The following TMEM235 variants were observed in gnomAD, a reference collection of about 807,000 sequenced individuals.
TMEM235 encodes the protein claudin-27.
A neutral mutation model predicts 22.9 loss-of-function variants in TMEM235; 23 were observed. That is an observed-to-expected ratio of 1.00 (90% CI 0.72 to 1.42). The LOEUF is 1.42. Among genes scored for constraint, TMEM235 ranks in the 40% most tolerant of loss-of-function variants. The pLI, the probability that TMEM235 is intolerant of heterozygous loss-of-function variation, is 0.00. For missense variants in TMEM235, 308 were observed against 299.5 expected, an observed-to-expected ratio of 1.03 and a Z score of -0.21; for synonymous variants, 137 against 140.5, an observed-to-expected ratio of 0.98 and a Z score of 0.17.
intron 2 of TMEM235, among the ~76,000 whole-genome samples, 170 bp from the exon 2 acceptor site, chr17:78,233,721 TAAAC>T (rs1214949595): frequency 6.8e-6 from 1 of 147,632 alleles, no homozygotes; most frequent in Non-Finnish European, 1.5e-5. Context: ...AAAAAGAAAA[TAAAC>T]AAGGCTAAAG....
At chr17:78,239,935 G>C in exon 6 of TMEM235, 2 of 1,550,324 alleles carry the variant, frequency 1.3e-6, no homozygotes, top group South Asian at 2.4e-5. Flanking sequence ...GAGGGCCCGA[G>C]AGCCCCTCCG....
chr17:78,239,891 C>T (rs749477706), exon 6 of TMEM235: 23 of 1,551,280 alleles, frequency 1.5e-5, no homozygotes, highest in African/African-American at 2.7e-5. Context: ...CCACTCTCCC[C>T]GAAGGGCAGG....
chr17:78,231,319 G>A, upstream of TMEM235: 1 of 1,080,760 alleles, frequency 9.3e-7, no homozygotes, highest in Non-Finnish European at 1.2e-6. Context: ...TGTCCTAGAA[G>A]GTTCTTTCTG....
chr17:78,232,335 G>A, intron 2 of TMEM235, 122 bp downstream of exon 1: 1 of 964,904 alleles, frequency 1.0e-6, no homozygotes. Flanking sequence ...CTTGCATCCC[G>A]CTCTGCCCCA....
intron 2 of TMEM235, among the ~76,000 whole-genome samples, chr17:78,233,427 G>T (rs1422241478): frequency 1.3e-5 from 2 of 152,228 alleles, no homozygotes; most frequent in South Asian, 2.1e-4. Flanking sequence ...CAAGGTGAAG[G>T]CTGGGCCCGG....
Position 78,238,156 on chromosome 17 carries a change from G to T in TMEM235, c.410-868G>T, listed in dbSNP as rs2145925810. Among the ~76,000 whole-genome samples, 1 of 152,362 alleles carries T rather than the reference G, an allele frequency of 6.6e-6. No homozygotes were observed. The highest frequency in any genetic ancestry group is 1.5e-5 in the Non-Finnish European group (1 of 68,024). On this transcript the variant is annotated intron_variant, in intron 4 of 5. Transcript: ENST00000421688. The surrounding 1 kb of genome is among the most constrained non-coding windows in gnomAD (Gnocchi z 4.3). ...TGGGAAGGGGGTGGCACTCCGGGCT[G>T]GTTCCTCCAAGCTCAGTGGACAGGA...
rs764460256 is a variant in TMEM235, at chr17:78,237,803, C to T, written c.410-1221C>T. Among the ~76,000 whole-genome samples the T allele has an allele frequency of 5.9e-5, 9 of 152,168 alleles. No homozygotes were observed. The highest frequency in any genetic ancestry group is 1.3e-4 in the Admixed American group (2 of 15,280). ...AATTTCTGTTGCTACGCTGCCCAGC[C>T]GGGCAGGCATCCGTGTGTCCTCCCT... On this transcript the variant is annotated intron_variant, in intron 4 of 5. Transcript: ENST00000421688. This position sits in a 1 kb window ranked among gnomAD's most constrained non-coding sequence, Gnocchi z 4.7.
At position 78,237,311 on chromosome 17, in the gene TMEM235, C is replaced by T. The variant is rs927658107; in HGVS notation, c.410-1713C>T. On this transcript the variant is annotated intron_variant, in intron 4 of 5. Coordinates refer to ENST00000421688, the Ensembl canonical transcript of TMEM235. The surrounding 1 kb of genome is among the most constrained non-coding windows in gnomAD (Gnocchi z 4.7). ...AGAGGGCCCCAGATCGATTGGGTGC[C>T]CTTCCCTGAGACAGGATCTTGGGGG... Among the ~76,000 whole-genome samples the T allele has an allele frequency of 5.9e-5, 9 of 152,050 alleles. No homozygotes were observed. The highest frequency in any genetic ancestry group is 1.5e-5 in the Non-Finnish European group (1 of 67,994).
chr17:78,234,846 C>A, intron 4 of TMEM235, 116 bp downstream of exon 3: 2 of 1,371,220 alleles, frequency 1.5e-6, no homozygotes, highest in African/African-American at 2.9e-5. Context: ...TGGGCGGGTG[C>A]TGAGTCTGGC....
chr17:78,232,229 G>A lies in TMEM235; in HGVS notation c.190+16G>A, dbSNP rs1368350207. The stretch of plus-strand genomic sequence containing the variant: ...ATCTGCGAAGGTAACCGGCCACCGC[G>A]CCGGCCCTCCTCCCTCCGCGACCTC... On this transcript the variant is annotated intron_variant, in intron 2 of 5. Transcript: ENST00000421688. 5.6e-6 allele frequency: 8 copies of A among 1,439,646 alleles called. No homozygotes were observed. The highest frequency in any genetic ancestry group is 5.6e-5 in the South Asian group (4 of 72,006). The allele number at this position is 1,439,646 out of a possible 1,614,324, so 89.2% of individuals were successfully genotyped here.
intron 3 of TMEM235, 152 bp downstream of exon 2, chr17:78,234,127 T>TGCTGTCCC (rs1415957024): frequency 6.6e-6 from 5 of 755,012 alleles, no homozygotes; most frequent in Non-Finnish European, 8.9e-6. Context: ...AGTGCTGTGC[T>TGCTGTCCC]GCTGTCCCTA....
At chr17:78,231,458 C>T (rs1179983599) in exon 2 of TMEM235, 2 of 1,302,752 alleles carry the variant, frequency 1.5e-6, no homozygotes, top group Non-Finnish European at 2.0e-6. Flanking sequence ...GGGGCCCAGC[C>T]ACTGCACTTC....
chr17:78,234,847 T>C (rs1407086101), intron 4 of TMEM235, 117 bp downstream of exon 3: 19 of 1,371,928 alleles, frequency 1.4e-5, no homozygotes, highest in Non-Finnish European at 1.8e-5. Flanking sequence ...GGGCGGGTGC[T>C]GAGTCTGGCG....
exon 6 of TMEM235, chr17:78,240,061 C>T: frequency 4.1e-6 from 6 of 1,458,362 alleles, no homozygotes; most frequent in East Asian, 2.6e-5. Context: ...AGAGCAGGCA[C>T]CCAGATCTCT....
exon 5 of TMEM235, chr17:78,239,175 G>A (rs1006493002): frequency 1.3e-6 from 2 of 1,543,130 alleles, no homozygotes; most frequent in Admixed American, 2.0e-5. Flanking sequence ...CCTGTGCCTT[G>A]GAGGCATTCA....
chr17:78,237,907 CAG>C lies in TMEM235; in HGVS notation c.410-1115_410-1114del, dbSNP rs1210066039. 3.3e-5 allele frequency among the ~76,000 whole-genome samples: 5 copies of C among 152,194 alleles called. No individual in the cohort carries two copies. Among genetic ancestry groups the C allele is most frequent in the Non-Finnish European group, 5.9e-5 (4 of 68,040 alleles). ...CAAGTTTGGTTCCCAGGAGGAATCA[CAG>C]AAGACCAGGCTGTGTTGTGCCCCTT... On this transcript the variant is annotated intron_variant, in intron 4 of 5. Coordinates refer to ENST00000421688, the Ensembl canonical transcript of TMEM235. This position sits in a 1 kb window ranked among gnomAD's most constrained non-coding sequence, Gnocchi z 4.7.
In TMEM235 at chr17:78,231,618, C is replaced by T. The variant is rs1425379970; in HGVS notation, c.-406C>T. 1.1e-5 allele frequency: 14 copies of T among 1,303,814 alleles called. No homozygotes were observed. Among genetic ancestry groups the T allele is most frequent in the South Asian group, 9.9e-5 (8 of 80,904 alleles). 80.8% of individuals were successfully genotyped at this position (1,303,814 alleles called of 1,614,324 possible). On this transcript the variant is annotated 5_prime_UTR_variant, in exon 2 of 6. Coordinates refer to ENST00000421688, the Ensembl canonical transcript of TMEM235. ...CTGGGGTCGGTCTCTGGCCGATCCT[C>T]CCTCCTCCTCTCAAGCCCTGCACAG...
Position 78,238,949 on chromosome 17 carries a change from A to C in TMEM235, c.410-75A>C, listed in dbSNP as rs547892128. ...TAGCGGGGCCGGGGATGCTGAGGCC[A>C]TGTCTGCAGGACCACCTGGGCCTGG... On this transcript the variant is annotated intron_variant, in intron 4 of 5. Transcript: ENST00000421688. The surrounding 1 kb of genome is among the most constrained non-coding windows in gnomAD (Gnocchi z 4.3). The C allele has an allele frequency of 1.2e-4, 171 of 1,479,886 alleles. No homozygotes were observed. The African/African-American group carries it at 2.3e-3, about 20-fold the overall frequency. 91.7% of individuals were successfully genotyped at this position (1,479,886 alleles called of 1,614,324 possible).
At chr17:78,231,575 G>C (rs560700651) in exon 2 of TMEM235, 1 of 1,303,890 alleles carries the variant, frequency 7.7e-7, no homozygotes, top group Non-Finnish European at 1.0e-6. Context: ...TGGTCCTGCT[G>C]CCTGGCCGGC....
Sources: allele counts gnomAD v4.1 joint callset (sites outside exome capture counted in the v4.1 genomes callset), GRCh38; gene constraint gnomAD v4.1.1; non-coding constraint Gnocchi (gnomAD v3.1); transcripts MANE v1.5; gene names NCBI Gene and HGNC (gene_info 2026-07-23, HGNC 2026-07-21).